PREX1: variants seen among roughly 807,000 people sequenced by gnomAD.
PREX1 encodes the protein phosphatidylinositol 3,4,5-trisphosphate-dependent Rac exchanger 1 protein.
PREX1 carries 41 observed loss-of-function variants against 198.3 expected under a neutral mutation model. That is an observed-to-expected ratio of 0.21 (90% confidence interval 0.16 to 0.27). The LOEUF (loss-of-function observed/expected upper bound fraction) is 0.27. PREX1 is among the 10% of genes least tolerant of loss of function. The pLI, the probability that PREX1 is intolerant of heterozygous loss-of-function variation, is 1.00. For synonymous variants in PREX1, 843 were observed against 887.2 expected, an observed-to-expected ratio of 0.95 and a Z score of 0.89; for missense variants, 1,620 against 2,200.7, an observed-to-expected ratio of 0.74 and a Z score of 5.28.
At chr20:48,789,985 C>G (rs1368768439) in intron 1 of PREX1, among the ~76,000 whole-genome samples, 3 of 152,084 alleles carry the variant, frequency 2.0e-5, no homozygotes, top group Non-Finnish European at 2.9e-5. Flanking sequence ...AGTAGGTGCT[C>G]AACCAATATG....
At chr20:48,658,330 T>A in intron 16 of PREX1, 102 bp from the exon 17 acceptor site, 1 of 1,185,088 alleles carries the variant, frequency 8.4e-7, no homozygotes, top group Non-Finnish European at 1.2e-6. Context: ...CCAGGTCTAG[T>A]AGGGAAGTGG....
intron 13 of PREX1, among the ~76,000 whole-genome samples, chr20:48,678,296 C>G (rs567207222): frequency 1.3e-5 from 2 of 148,692 alleles, no homozygotes; most frequent in African/African-American, 5.2e-5. Context: ...GGGGACAGAA[C>G]GAGGCTCTGT....
At chr20:48,853,918 T>C in the PREX1 span, among the ~76,000 whole-genome samples, 6 of 152,154 alleles carry the variant, frequency 3.9e-5, no homozygotes, top group African/African-American at 1.2e-4. Context: ...AAAAGACTCA[T>C]TATAATATGA....
intron 5 of PREX1, 54 bp downstream of exon 5, chr20:48,726,236 T>C: frequency 1.4e-6 from 2 of 1,465,068 alleles, no homozygotes; most frequent in Non-Finnish European, 1.9e-6. Flanking sequence ...ACAAATTTTA[T>C]GTTATGCTGA....
intron 1 of PREX1, among the ~76,000 whole-genome samples, chr20:48,765,923 C>T (rs1026461832): frequency 2.0e-5 from 3 of 152,108 alleles, no homozygotes; most frequent in Admixed American, 1.3e-4. Flanking sequence ...ACCTGAGCTC[C>T]GCCTCCTGTC....
the PREX1 span, among the ~76,000 whole-genome samples, chr20:48,885,015 CTG>C: frequency 1.2e-4 from 19 of 152,194 alleles, no homozygotes; most frequent in Non-Finnish European, 2.2e-4. Flanking sequence ...TTATACCTAG[CTG>C]TGTGACCTCA....
intron 33 of PREX1, among the ~76,000 whole-genome samples, chr20:48,633,687 G>A (rs1483015878): frequency 1.3e-5 from 2 of 152,106 alleles, no homozygotes; most frequent in Admixed American, 6.5e-5. Context: ...GAGAACCCCT[G>A]CTTTCAGAAG....
At chr20:48,821,474 A>G (rs2090484388) in intron 1 of PREX1, among the ~76,000 whole-genome samples, 1 of 152,184 alleles carries the variant, frequency 6.6e-6, no homozygotes, top group Non-Finnish European at 1.5e-5. Flanking sequence ...ATGTCTGGGG[A>G]ATGATGCTGT....
chr20:48,811,407 G>A (rs1435822585), intron 1 of PREX1, among the ~76,000 whole-genome samples: 1 of 152,136 alleles, frequency 6.6e-6, no homozygotes, highest in Admixed American at 6.5e-5. Context: ...TGGAACCAGT[G>A]GTTCTGATCA....
chr20:48,706,145 T>C (rs960050953), intron 6 of PREX1, among the ~76,000 whole-genome samples: 3 of 152,244 alleles, frequency 2.0e-5, no homozygotes, highest in African/African-American at 7.2e-5. Context: ...TGTACATGTT[T>C]AGGGTCATAA....
At chr20:48,729,384 G>A (rs925623646) in intron 4 of PREX1, among the ~76,000 whole-genome samples, 7 of 151,860 alleles carry the variant, frequency 4.6e-5, no homozygotes, top group African/African-American at 1.7e-4. Context: ...GCCCTGACTT[G>A]GCTTTAAACA....
chr20:48,709,515 C>T (rs528779763), intron 5 of PREX1, among the ~76,000 whole-genome samples: 103 of 152,308 alleles, frequency 6.8e-4, no homozygotes, highest in African/African-American at 2.3e-3. Flanking sequence ...ATGGTGATGA[C>T]GATGACAGCA....
chr20:48,808,271 TAGGCTGTGCC>T (rs999890427), intron 1 of PREX1, among the ~76,000 whole-genome samples: 2 of 152,102 alleles, frequency 1.3e-5, no homozygotes, highest in Non-Finnish European at 2.9e-5. Flanking sequence ...GCTGAGAGCT[TAGGCTGTGCC>T]AGGCACTCCG....
At chr20:48,849,676 A>G in the PREX1 span, among the ~76,000 whole-genome samples, 101 of 152,360 alleles carry the variant, frequency 6.6e-4, 2 homozygotes, top group South Asian at 0.015. Context: ...AAACTGCCGC[A>G]TAGCATATTC....
At chr20:48,643,162 G>C (rs775756574) in intron 27 of PREX1, among the ~76,000 whole-genome samples, 5 of 152,190 alleles carry the variant, frequency 3.3e-5, no homozygotes, top group Admixed American at 6.5e-5. Flanking sequence ...TTTAAAGTCT[G>C]AAGTAAACAA....
intron 1 of PREX1, among the ~76,000 whole-genome samples, chr20:48,763,905 T>C (rs1043314225): frequency 6.6e-6 from 1 of 152,180 alleles, no homozygotes; most frequent in Non-Finnish European, 1.5e-5. Context: ...CTTCCCACGA[T>C]TGCCTCATCC....
chr20:48,818,451 A>C (rs1337316274), intron 1 of PREX1, among the ~76,000 whole-genome samples: 1 of 152,230 alleles, frequency 6.6e-6, no homozygotes, highest in Non-Finnish European at 1.5e-5. Flanking sequence ...TTTTATGCTA[A>C]GTGAGATGTA....
chr20:48,651,623 G>C lies in PREX1; in HGVS notation c.2468-40C>G, dbSNP rs745461973. 2.6e-5 allele frequency: 41 copies of C among 1,576,986 alleles called. 1 individual carries two copies. The highest frequency in any genetic ancestry group is 3.4e-4 in the Middle Eastern group (2 of 5,964). ...AGGTGACATCTGAGCAGAGATCAGA[G>C]GGAGGGAGGAAGGCGAGGCGAGGAG... On this transcript the variant is annotated intron_variant, in intron 21 of 39. Transcript: ENST00000371941.
At chr20:48,641,832 GAGAGAGAGAGGAAGGAAGGA>G (rs1441995625) in intron 29 of PREX1, among the ~76,000 whole-genome samples, 1 of 122,382 alleles carries the variant, frequency 8.2e-6, no homozygotes, top group African/African-American at 3.2e-5. Context: ...GAAAGAGAGA[GAGAGAGAGAGGAAGGAAGGA>G]AGGAAGGAAG....
Sources: allele counts gnomAD v4.1 joint callset (sites outside exome capture counted in the v4.1 genomes callset), GRCh38; gene constraint gnomAD v4.1.1; transcripts MANE v1.5; gene names NCBI Gene and HGNC (gene_info 2026-07-23, HGNC 2026-07-21).